DECR2: variants seen among roughly 807,000 people sequenced by gnomAD.
The protein encoded by DECR2 is 2,4-dienoyl-CoA reductase 2, also known as peroxisomal 2,4-dienoyl-CoA reductase [(3E)-enoyl-CoA-producing].
A neutral mutation model predicts 29.2 loss-of-function variants in DECR2; 34 were observed. The observed-to-expected ratio is 1.16, with a 90% CI of 0.89 to 1.55. DECR2 has a LOEUF of 1.55. DECR2 is among the 40% of genes most tolerant of loss of function. The pLI is 0.00. For synonymous variants in DECR2, 224 were observed against 182.7 expected (o/e 1.23, Z -1.82); for missense variants, 485 against 425.3 (o/e 1.14, Z -1.23).
In DECR2 at chr16:407,436, G is replaced by C. The variant is rs781638005; in HGVS notation, c.213G>C (p.Lys71Asn). 6 of 1,608,588 alleles carry C rather than the reference G, an allele frequency of 3.7e-6. No homozygotes were observed. The South Asian group carries it at 6.6e-5, about 18-fold the overall frequency. ...TACCTGGCTTCTAGGCCGCCAGGAA[G>C]CTGGCTGGGGCCACCGGCCGGCGCT... ...SLPRVLTAAR[K>N]LAGATGRRCL... Residue 71 changes from lysine (K) to asparagine (N), a missense_variant, in exon 4 of 9, where the codon AAG (lysine) becomes AAC (asparagine). Coordinates refer to ENST00000219481, the MANE Select transcript of DECR2 (RefSeq NM_020664.4).
Position 410,555 on chromosome 16 carries a change from C to T in DECR2, c.463-136C>T, listed in dbSNP as rs866218680. ...CCTGGGCCTCCCCATGACGGCCGCC[C>T]GCTCCCTGCCCTGGGCCTCCCCCTG... On this transcript the variant is annotated intron_variant, in intron 5 of 8. Transcript: ENST00000219481. The surrounding 1 kb of genome is among the most constrained non-coding windows in gnomAD (Gnocchi z 4.1). The T allele has an allele frequency of 2.6e-3, 3,652 of 1,409,198 alleles. 79 individuals carry two copies. Among genetic ancestry groups the T allele is most frequent in the Middle Eastern group, 0.011 (43 of 3,934 alleles). 87.3% of individuals were successfully genotyped at this position (1,409,198 alleles called of 1,614,324 possible). A position where few individuals can be genotyped will look rare whatever the true frequency, so the allele number is the denominator to read the frequency against.
intron 2 of DECR2, chr16:405,672 T>C (rs2054715908): frequency 5.7e-6 from 7 of 1,217,636 alleles, no homozygotes; most frequent in Non-Finnish European, 7.7e-6. Flanking sequence ...TCAGGTGATT[T>C]TACCAGGGAA....
intron 1 of DECR2, among the ~76,000 whole-genome samples, chr16:404,715 T>C (rs958834787): frequency 8.6e-5 from 13 of 151,066 alleles, no homozygotes; most frequent in African/African-American, 3.2e-4. Flanking sequence ...CTGCAACATC[T>C]GCCTCCCGGG....
At chr16:403,052 G>GAA in intron 1 of DECR2, 6 of 786,904 alleles carry the variant, frequency 7.6e-6, no homozygotes, top group South Asian at 5.8e-5. Context: ...TGTTCTGCAG[G>GAA]AAAAAAAAAA....
In DECR2 at chr16:402,565, A is replaced by G. The variant is rs571791764; in HGVS notation, c.80+522A>G. Among the ~76,000 whole-genome samples the G allele has an allele frequency of 6.6e-4, 100 of 152,084 alleles. 2 individuals are homozygous for G. Among genetic ancestry groups the G allele is most frequent in the South Asian group, 6.0e-3 (29 of 4,818 alleles). ...CTGCAAACGCCTTGGTGTTCACAAG[A>G]GAAGGCAGCCCGGGCAAAGGTCGAT... On this transcript the variant is annotated intron_variant, in intron 1 of 8. Transcript: ENST00000219481.
chr16:403,937 GC>G (rs2054695656), intron 1 of DECR2, among the ~76,000 whole-genome samples: 1 of 152,118 alleles, frequency 6.6e-6, no homozygotes. Flanking sequence ...ACTTTGGGAG[GC>G]CGAGGTGGGT....
chr16:407,420 T>C lies in DECR2; in HGVS notation c.202-5T>C, dbSNP rs758546953. The C allele has an allele frequency of 6.2e-7, 1 of 1,604,950 alleles. No individual in the cohort carries two copies. Among genetic ancestry groups the C allele is most frequent in the Non-Finnish European group, 8.5e-7 (1 of 1,177,610 alleles). ...CTGCTGTCTGCCTCTTTACCTGGCT[T>C]CTAGGCCGCCAGGAAGCTGGCTGGG... On this transcript the variant is annotated splice_region_variant and splice_polypyrimidine_tract_variant and intron_variant, in intron 3 of 8. Transcript: ENST00000219481.
In DECR2 at chr16:410,341, C is replaced by G. The variant is rs756055283; in HGVS notation, c.436C>G (p.Arg146Gly). 1 of 1,612,134 alleles carries G rather than the reference C, an allele frequency of 6.2e-7. No homozygotes were observed. Among genetic ancestry groups the G allele is most frequent in the Non-Finnish European group, 8.5e-7 (1 of 1,178,846 alleles). ...TACCAGCGGCACCTTCAATGTGTCTCGTGTGCTCTATGAGAAGTTCTTCCG... is the reference window on the plus strand; with the variant it reads ...TACCAGCGGCACCTTCAATGTGTCTGGTGTGCTCTATGAGAAGTTCTTCCG... ...IDTSGTFNVS[R>G]VLYEKFFRDH... The change falls in exon 5 of 9, where the codon CGT (arginine) becomes GGT (glycine). Residue 146 changes from arginine to glycine, a missense_variant. Arg to Gly is a moderately radical substitution (Grantham distance 125). Transcript: ENST00000219481. This position sits in a 1 kb window ranked among gnomAD's most constrained non-coding sequence, Gnocchi z 4.1.
At position 406,387 on chromosome 16, in the gene DECR2, G is replaced by T. The variant is rs749387015; in HGVS notation, c.191G>T (p.Arg64Leu). Residue 64 changes from arginine (R) to leucine (L), a missense_variant, in exon 3 of 9, where the codon CGA becomes CTA. Arg to Leu is a moderately radical substitution (Grantham distance 102). Coordinates refer to ENST00000219481, the MANE Select transcript of DECR2 (RefSeq NM_020664.4). Reference sequence around the variant, plus strand: ...GTGATTGCCAGTAGGAGCCTGCCGCGAGTGCTGACGGTGAGAGGGCCTCTC... The same window carrying T: ...GTGATTGCCAGTAGGAGCCTGCCGCTAGTGCTGACGGTGAGAGGGCCTCTC... ...HTVIASRSLPRVLTAARKLAG... is the reference protein window; with the variant it reads ...HTVIASRSLPLVLTAARKLAG... 1.6e-5 allele frequency: 26 copies of T among 1,607,746 alleles called. No homozygotes were observed. Among genetic ancestry groups the T allele is most frequent in the Non-Finnish European group, 2.0e-5 (24 of 1,179,940 alleles).
intron 3 of DECR2, 39 bp from the exon 4 acceptor site, chr16:407,386 G>T (rs1395362664): frequency 6.4e-7 from 1 of 1,573,284 alleles, no homozygotes. Context: ...CCAGGCCGAG[G>T]CTGCAGGGCT....
intron 4 of DECR2, 79 bp downstream of exon 4, chr16:407,639 G>A (rs1212144044): frequency 1.2e-5 from 19 of 1,569,878 alleles, no homozygotes; most frequent in Non-Finnish European, 1.6e-5. Flanking sequence ...TCTGGTCATG[G>A]GGTGGGGACC....
rs116564301 is a variant in DECR2, at chr16:411,637, T to C, written c.*59T>C. On this transcript the variant is annotated intron_variant, in intron 8 of 8. Coordinates refer to ENST00000219481, the MANE Select transcript of DECR2 (RefSeq NM_020664.4). ...GTGTCCTTGGACGCTGGTCACTGCA[T>C]GGGCAGGTCTCTGCGGGACCCACGG... 2.6e-5 allele frequency: 41 copies of C among 1,550,458 alleles called. No homozygotes were observed. The African/African-American group carries it at 5.3e-4, about 20-fold the overall frequency.
In DECR2 at chr16:410,997, G is replaced by C. The variant is rs1432339103; in HGVS notation, c.582G>C (p.Val194=). 1 of 1,603,986 alleles carries C rather than the reference G, an allele frequency of 6.2e-7. No individual in the cohort carries two copies. The highest frequency in any genetic ancestry group is 1.7e-5 in the Admixed American group (1 of 58,636). ...AVDAMTRHLA[V]EWGPQNIRVN... ...ACGCGATGACGCGGCACTTGGCTGT[G>C]GAGTGGGGTCCCCAAAACATCCGCG... Residue 194 remains valine (V), a synonymous_variant, in exon 7 of 9, where the codon GTG becomes GTC. Coordinates refer to ENST00000219481, the MANE Select transcript of DECR2 (RefSeq NM_020664.4). The surrounding 1 kb of genome is among the most constrained non-coding windows in gnomAD (Gnocchi z 4.1).
At position 410,844 on chromosome 16, in the gene DECR2, T is replaced by C; in HGVS notation, c.556+60T>C. ...GTGGGTCCCCAATGGGCCGTCTGCT[T>C]CCATCCCAGGAGGCCAGCAGTCTCC... On this transcript the variant is annotated intron_variant, in intron 6 of 8. Transcript: ENST00000219481. The surrounding 1 kb of genome is among the most constrained non-coding windows in gnomAD (Gnocchi z 4.1). The C allele has an allele frequency of 2.0e-6, 3 of 1,527,998 alleles. No homozygotes were observed. The highest frequency in any genetic ancestry group is 2.7e-6 in the Non-Finnish European group (3 of 1,128,384). The allele number at this position is 1,527,998 out of a possible 1,614,324, so 94.7% of individuals were successfully genotyped here.
Position 405,305 on chromosome 16 carries a change from G to A in DECR2, c.149+281G>A, listed in dbSNP as rs145440379. On this transcript the variant is annotated intron_variant, in intron 2 of 8. Transcript: ENST00000219481. ...GGCTGTGTCGGGCCCCAGTGCTGGC[G>A]CCCTGCAGAGCACATTTTCTCCTGG... is the stretch of plus-strand genomic sequence containing the variant. 4,904 of 571,268 alleles carry A rather than the reference G, an allele frequency of 8.6e-3. 35 individuals carry two copies. Among genetic ancestry groups the A allele is most frequent in the Non-Finnish European group, 0.012 (3,986 of 327,070 alleles). 35.4% of individuals were successfully genotyped at this position (571,268 alleles called of 1,614,324 possible). A position where few individuals can be genotyped will look rare whatever the true frequency, so the allele number is the denominator to read the frequency against.
At chr16:406,893 T>G (rs945824965) in intron 3 of DECR2, 13 of 1,034,856 alleles carry the variant, frequency 1.3e-5, no homozygotes, top group Middle Eastern at 4.7e-4. Flanking sequence ...ATTACAGGTG[T>G]GAACCACTGT....
In DECR2 at chr16:410,646, C is replaced by T. The variant is rs776626806; in HGVS notation, c.463-45C>T. The T allele has an allele frequency of 6.5e-7, 1 of 1,543,242 alleles. No individual in the cohort carries two copies. The highest frequency in any genetic ancestry group is 1.9e-5 in the Admixed American group (1 of 52,132). On this transcript the variant is annotated intron_variant, in intron 5 of 8. Coordinates refer to ENST00000219481, the MANE Select transcript of DECR2 (RefSeq NM_020664.4). This position sits in a 1 kb window ranked among gnomAD's most constrained non-coding sequence, Gnocchi z 4.1. ...CACCCGCTCACTGTCCTGTGACCTCCCCCGACACCCGCCCGCTCACTGCCC... is the reference window on the plus strand; with the variant it reads ...CACCCGCTCACTGTCCTGTGACCTCTCCCGACACCCGCCCGCTCACTGCCC...
Position 411,560 on chromosome 16 carries a change from C to G in DECR2, c.861C>G (p.Ser287=). The change falls in exon 8 of 9, where the codon TCC becomes TCG. Residue 287 remains serine, a synonymous_variant. Coordinates refer to ENST00000219481, the MANE Select transcript of DECR2 (RefSeq NM_020664.4). ...NGVKGLPDFA[S]FSAKL is the part of the protein sequence containing the mutation. ...TCAAAGGGCTGCCGGATTTCGCATCCTTCTCTGCTAAGCTCTAGGTGAGGT... is the reference window on the plus strand; with the variant it reads ...TCAAAGGGCTGCCGGATTTCGCATCGTTCTCTGCTAAGCTCTAGGTGAGGT... The G allele has an allele frequency of 6.2e-7, 1 of 1,613,080 alleles. No individual in the cohort carries two copies. The highest frequency in any genetic ancestry group is 1.7e-5 in the Admixed American group (1 of 59,892).
chr16:408,729 C>G (rs1033523090), intron 4 of DECR2, among the ~76,000 whole-genome samples: 1 of 151,880 alleles, frequency 6.6e-6, no homozygotes, highest in African/African-American at 2.4e-5. Context: ...GTTGCTCAGG[C>G]CAGTCTCAAA....
Sources: gnomAD v4.1 joint callset for allele counts (sites outside exome capture counted in the v4.1 genomes callset) on GRCh38, gnomAD v4.1.1 for gene constraint, Gnocchi (gnomAD v3.1) non-coding constraint, MANE v1.5 for transcripts, NCBI Gene and HGNC (gene_info 2026-07-23, HGNC 2026-07-21) for gene names.